Variants in DSCAM observed in about 807,000 individuals in gnomAD.
The protein encoded by DSCAM is cell adhesion molecule DSCAM.
In DSCAM, 47 loss-of-function variants were observed where a neutral mutation model predicts 217.7. The ratio of observed to expected loss-of-function variants is 0.22; its 90% CI spans 0.17 to 0.28. The LOEUF (loss-of-function observed/expected upper bound fraction) is 0.28, where lower values mean the gene tolerates loss of function less well. Ranked by LOEUF, DSCAM falls within the 10% of genes least tolerant of loss-of-function variation. The pLI is 1.00. For synonymous variants in DSCAM, 1,056 were observed against 1,015.3 expected (o/e 1.04, Z -0.76); for missense variants, 2,080 against 2,618.3 (o/e 0.79, Z 4.49).
chr21:40,635,591 ATG>A, intron 3 of DSCAM, among the ~76,000 whole-genome samples: 1 of 151,578 alleles, frequency 6.6e-6, no homozygotes, highest in East Asian at 1.9e-4. Flanking sequence ...ATGTGTGTGC[ATG>A]TGTGTGTGTC....
intron 1 of DSCAM, among the ~76,000 whole-genome samples, chr21:40,805,351 G>T (rs772457297): frequency 3.3e-5 from 5 of 152,088 alleles, no homozygotes; most frequent in Non-Finnish European, 7.4e-5. Context: ...CTGCCTTCTG[G>T]CTCATGAGGC....
At chr21:40,819,926 A>T (rs2091912051) in intron 1 of DSCAM, among the ~76,000 whole-genome samples, 1 of 152,198 alleles carries the variant, frequency 6.6e-6, no homozygotes, top group African/African-American at 2.4e-5. Context: ...TAGGGCCTTA[A>T]TTCCCAAGAA....
At chr21:40,637,498 AAT>A (rs1319882576) in intron 3 of DSCAM, among the ~76,000 whole-genome samples, 4 of 34,638 alleles carry the variant, frequency 1.2e-4, no homozygotes, top group Admixed American at 1.3e-3. Context: ...AAAATATATA[AAT>A]ATATATAAAT....
At chr21:40,250,087 C>A (rs1465428945) in intron 11 of DSCAM, among the ~76,000 whole-genome samples, 2 of 152,164 alleles carry the variant, frequency 1.3e-5, no homozygotes, top group African/African-American at 4.8e-5. Context: ...GACTCCATGA[C>A]CTTGGAATTT....
intron 1 of DSCAM, among the ~76,000 whole-genome samples, chr21:40,780,447 A>ATC (rs1555888079): frequency 1.5e-4 from 21 of 141,508 alleles, no homozygotes; most frequent in East Asian, 1.1e-3. Context: ...ATATATATAT[A>ATC]TCTCCTGTTA....
chr21:40,459,033 T>A (rs147043134), intron 3 of DSCAM, among the ~76,000 whole-genome samples: 1 of 151,372 alleles, frequency 6.6e-6, no homozygotes, highest in Non-Finnish European at 1.5e-5. Context: ...CAAGAAAGGA[T>A]GAAAATAAAT....
At chr21:40,434,523 C>T (rs971120927) in intron 3 of DSCAM, among the ~76,000 whole-genome samples, 1 of 152,078 alleles carries the variant, frequency 6.6e-6, no homozygotes, top group Non-Finnish European at 1.5e-5. Context: ...GGTAGCTCAG[C>T]CTGGGGGCTG....
At chr21:40,553,279 C>T (rs13046409) in intron 3 of DSCAM, among the ~76,000 whole-genome samples, 88,687 of 152,096 alleles carry the variant, frequency 0.58, 26,015 homozygotes, top group East Asian at 0.67. Flanking sequence ...ACCTTTTATG[C>T]CTTGGAAAGG....
intron 1 of DSCAM, among the ~76,000 whole-genome samples, chr21:40,728,480 G>A (rs1250136248): frequency 2.0e-5 from 3 of 151,744 alleles, no homozygotes; most frequent in Admixed American, 1.3e-4. Context: ...GGGCAGTGGT[G>A]CAATCTTGAC....
At chr21:40,765,379 T>C (rs2091377865) in intron 1 of DSCAM, among the ~76,000 whole-genome samples, 2 of 152,306 alleles carry the variant, frequency 1.3e-5, no homozygotes, top group South Asian at 4.1e-4. Flanking sequence ...TGGGGCCTTT[T>C]GGTCTCCATC....
At chr21:40,821,096 AT>A (rs1275077711) in intron 1 of DSCAM, among the ~76,000 whole-genome samples, 2 of 145,724 alleles carry the variant, frequency 1.4e-5, no homozygotes, top group African/African-American at 5.1e-5. Flanking sequence ...ATATAGAGAG[AT>A]ATATATATCT....
intron 20 of DSCAM, among the ~76,000 whole-genome samples, chr21:40,095,740 A>G (rs1242786145): frequency 6.6e-6 from 1 of 152,240 alleles, no homozygotes; most frequent in Non-Finnish European, 1.5e-5. Context: ...AATTCATAAG[A>G]AGAAATCAAT....
rs1467135307 is a variant in DSCAM at position 40,754,295 on chromosome 21, A to G, written c.44-45524T>C. 2.0e-5 allele frequency among the ~76,000 whole-genome samples: 3 copies of G among 152,108 alleles called. No homozygotes were observed. The South Asian group carries it at 6.2e-4, about 32-fold the overall frequency. ...AATCATCACTCCCCTAAAACACACA[A>G]CAGGTGCAATACTTTTGACATATTA... On this transcript the variant is annotated intron_variant, in intron 1 of 32. Transcript: ENST00000400454.
At chr21:40,188,330 A>C (rs990783087) in intron 12 of DSCAM, among the ~76,000 whole-genome samples, 1 of 152,212 alleles carries the variant, frequency 6.6e-6, no homozygotes, top group Non-Finnish European at 1.5e-5. Flanking sequence ...TCCCACATAT[A>C]CATTTTTTTT....
At chr21:40,178,415 G>A (rs1244454493) in intron 15 of DSCAM, among the ~76,000 whole-genome samples, 2 of 152,124 alleles carry the variant, frequency 1.3e-5, no homozygotes, top group Non-Finnish European at 2.9e-5. Flanking sequence ...AATGTTGTTT[G>A]TAATAGAAAA....
At chr21:40,350,208 A>T (rs992980032) in intron 5 of DSCAM, among the ~76,000 whole-genome samples, 9 of 152,220 alleles carry the variant, frequency 5.9e-5, no homozygotes, top group African/African-American at 1.9e-4. Context: ...AGTCAATACC[A>T]TTCAGGACAT....
Position 40,276,171 on chromosome 21 carries a change from C to T in DSCAM, c.2282G>A (p.Ser761Asn). ...GCTGACCTTGCAGAGGTAGTAGCCA[C>T]TGTCTTCCTCCACGACATGCTTGAT... ...LLIKHVVEEDSGYYLCKVSND... is the reference protein window; with the variant it reads ...LLIKHVVEEDNGYYLCKVSND... The change falls in exon 11 of 33, where the codon AGT (serine) becomes AAT (asparagine). Residue 761 changes from serine (S) to asparagine (N), a missense_variant. Physicochemically the swap from Ser to Asn is conservative, Grantham distance 46 (BLOSUM62 1). Around this residue, in one of 5 missense-constraint regions of DSCAM, gnomAD observed 218 missense variants for 364.1 expected, o/e 0.60. Transcript: ENST00000400454. 1.2e-6 allele frequency: 2 copies of T among 1,613,312 alleles called. No homozygotes were observed. The highest frequency in any genetic ancestry group is 1.7e-6 in the Non-Finnish European group (2 of 1,179,586).
intron 3 of DSCAM, among the ~76,000 whole-genome samples, chr21:40,386,084 C>T (rs1023947467): frequency 1.3e-5 from 2 of 152,180 alleles, no homozygotes; most frequent in Non-Finnish European, 2.9e-5. Context: ...TAAGCAATAT[C>T]ATGGTCCATT....
chr21:40,135,187 G>T (rs560106487), intron 18 of DSCAM, among the ~76,000 whole-genome samples: 10 of 152,154 alleles, frequency 6.6e-5, no homozygotes, highest in African/African-American at 2.4e-4. Context: ...CCCAGAGCAG[G>T]CCGGTTACCC....
Sources: allele counts gnomAD v4.1 joint callset (sites outside exome capture counted in the v4.1 genomes callset), GRCh38; gene constraint gnomAD v4.1.1; regional missense constraint gnomAD v4.1.1; transcripts MANE v1.5; gene names NCBI Gene and HGNC (gene_info 2026-07-23, HGNC 2026-07-21).